The following SFMBT1 variants were observed in gnomAD, a reference collection of about 807,000 sequenced individuals.
The protein encoded by SFMBT1 is Scm like with four mbt domains 1, also known as scm-like with four MBT domains protein 1.
Under a neutral mutation model 108.7 loss-of-function variants are expected in SFMBT1, and 32 were observed. The observed-to-expected ratio is 0.29, with a 90% CI of 0.22 to 0.40. The LOEUF (loss-of-function observed/expected upper bound fraction) is 0.40. Among genes scored for constraint, SFMBT1 ranks in the 10% least tolerant of loss-of-function variants. The pLI is 1.00. For missense variants in SFMBT1, 816 were observed against 1,059.6 expected, an observed-to-expected ratio of 0.77 and a Z score of 3.19; for synonymous variants, 348 against 369.5, an observed-to-expected ratio of 0.94 and a Z score of 0.67.
Position 52,969,252 on chromosome 3 carries a change from G to T in SFMBT1, c.-124C>A. ...TCAATGGGTATCCACGGGTCCAAAT[G>T]AAAGTGCTGAAAAATGAAAAAGAAC... On this transcript the variant is annotated 5_prime_UTR_variant, in exon 2 of 21. An upstream open reading frame in the 5' UTR gains an earlier in-frame stop. Coordinates refer to ENST00000394752, the MANE Select transcript of SFMBT1 (RefSeq NM_016329.4). The T allele has an allele frequency of 6.6e-7, 1 of 1,518,178 alleles. No individual in the cohort carries two copies. Among genetic ancestry groups the T allele is most frequent in the Non-Finnish European group, 8.8e-7 (1 of 1,138,726 alleles). The allele number at this position is 1,518,178 out of a possible 1,614,324, so 94.0% of individuals were successfully genotyped here. A position where few individuals can be genotyped will look rare whatever the true frequency, so the allele number is the denominator to read the frequency against.
At chr3:52,966,925 T>TGAAG (rs55831153) in intron 2 of SFMBT1, among the ~76,000 whole-genome samples, 2 of 149,434 alleles carry the variant, frequency 1.3e-5, no homozygotes, top group South Asian at 4.2e-4. Context: ...ATACTTCACT[T>TGAAG]TAATAAAATG....
chr3:52,913,993 C>A (rs1471512451), intron 14 of SFMBT1, among the ~76,000 whole-genome samples: 1 of 152,166 alleles, frequency 6.6e-6, no homozygotes, highest in Non-Finnish European at 1.5e-5. Flanking sequence ...ATCATCTATT[C>A]TGGAATATTT....
rs536308277 is a variant in SFMBT1 at position 52,994,220 on chromosome 3, C to A, written c.-130-24962G>T. Reference sequence around the variant, plus strand: ...TTGTAACTAAAGAGATCACACACAACTGTGCCATCTGGTCACAAAACAGAA... The same window carrying A: ...TTGTAACTAAAGAGATCACACACAAATGTGCCATCTGGTCACAAAACAGAA... On this transcript the variant is annotated intron_variant, in intron 1 of 20. Transcript: ENST00000394752. Among the ~76,000 whole-genome samples, 3 of 150,482 alleles carry A rather than the reference C, an allele frequency of 2.0e-5. No individual in the cohort carries two copies. In the South Asian group the frequency reaches 6.3e-4, roughly 32 times the overall value.
rs138166180 is a variant in SFMBT1, at chr3:52,907,243, G to A, written c.2157C>T (p.Ser719=). Residue 719 remains serine, a synonymous_variant, in exon 19 of 21, where the codon TCC becomes TCT. Coordinates refer to ENST00000394752, the MANE Select transcript of SFMBT1 (RefSeq NM_016329.4). ...CTTCCTGTAGCTCATCCTGCTGCTC[G>A]GATGTACTGCCTTCACTTAGGGAAT... The part of the protein sequence containing the change: ...DDDSLSEGST[S]EQQDELQEES... 3.7e-5 allele frequency: 60 copies of A among 1,613,798 alleles called. No individual in the cohort carries two copies. Among genetic ancestry groups the A allele is most frequent in the Admixed American group, 5.0e-5 (3 of 59,976 alleles).
rs552265680 is a variant in SFMBT1 at position 52,968,535 on chromosome 3, T to C, written c.28+566A>G. ...CTGTGAATGCATAATTACTTCAAAA[T>C]AACTAGAAAGTAATCATCAAAATTT... On this transcript the variant is annotated intron_variant, in intron 2 of 20. Coordinates refer to ENST00000394752, the MANE Select transcript of SFMBT1 (RefSeq NM_016329.4). Among the ~76,000 whole-genome samples the C allele has an allele frequency of 4.0e-5, 6 of 151,762 alleles. No homozygotes were observed. In the East Asian group the frequency reaches 1.2e-3, roughly 29 times the overall value.
chr3:52,921,721 C>A lies in SFMBT1; in HGVS notation c.1242G>T (p.Leu414=). 1 of 1,614,076 alleles carries A rather than the reference C, an allele frequency of 6.2e-7. No homozygotes were observed. The highest frequency in any genetic ancestry group is 8.5e-7 in the Non-Finnish European group (1 of 1,179,984). Residue 414 remains leucine, a synonymous_variant, in exon 11 of 21, where the codon CTG becomes CTT. Coordinates refer to ENST00000394752, the MANE Select transcript of SFMBT1 (RefSeq NM_016329.4). ...GGCACTCACCCTCCAGCTGGAGCCA[C>A]AGGTAGGAGCCTCTCACTGCAGTGA... is the stretch of plus-strand genomic sequence containing the variant. The part of the protein sequence containing the change: ...ATITAVRGSY[L]WLQLEGSKKP...
At chr3:52,998,586 C>T (rs867524045) in intron 1 of SFMBT1, among the ~76,000 whole-genome samples, 9 of 150,106 alleles carry the variant, frequency 6.0e-5, no homozygotes, top group Admixed American at 3.4e-4. Context: ...TCTGCTGTTT[C>T]CTACCTAGGG....
chr3:53,018,658 C>G (rs376808371), intron 1 of SFMBT1, among the ~76,000 whole-genome samples: 1 of 152,186 alleles, frequency 6.6e-6, no homozygotes, highest in East Asian at 1.9e-4. Flanking sequence ...TCATTTCCTC[C>G]CCAGTCTGGC....
chr3:52,966,177 C>T (rs1704135747), intron 2 of SFMBT1, among the ~76,000 whole-genome samples: 3 of 145,020 alleles, frequency 2.1e-5, no homozygotes, highest in Admixed American at 1.4e-4. Context: ...ATTTGCCGGG[C>T]GTGGTGGCGG....
chr3:52,928,643 TATATATATATACAC>T (rs1702755667), intron 8 of SFMBT1: 2 of 50,504 alleles, frequency 4.0e-5, no homozygotes, highest in African/African-American at 1.0e-4. Context: ...TATACATATA[TATATATATATACAC>T]ATATATACAT....
At chr3:52,935,311 G>C (rs565767027) in intron 4 of SFMBT1, among the ~76,000 whole-genome samples, 1 of 152,168 alleles carries the variant, frequency 6.6e-6, no homozygotes, top group African/African-American at 2.4e-5. Context: ...GCTACAACTC[G>C]AGGGCTTAAT....
Position 52,932,317 on chromosome 3 carries a change from T to C in SFMBT1, c.454-9A>G. The C allele has an allele frequency of 6.2e-7, 1 of 1,604,184 alleles. No homozygotes were observed. Among genetic ancestry groups the C allele is most frequent in the Non-Finnish European group, 8.5e-7 (1 of 1,176,246 alleles). ...TTCCTCCCATTACGGAGCTGTAGGATTAAAAAGTAAAACAACCCAGTAAGA... is the reference window on the plus strand; with the variant it reads ...TTCCTCCCATTACGGAGCTGTAGGACTAAAAAGTAAAACAACCCAGTAAGA... On this transcript the variant is annotated splice_polypyrimidine_tract_variant and intron_variant, in intron 5 of 20. Coordinates refer to ENST00000394752, the MANE Select transcript of SFMBT1 (RefSeq NM_016329.4).
chr3:53,035,058 C>T (rs548921711), intron 1 of SFMBT1, among the ~76,000 whole-genome samples: 1 of 152,334 alleles, frequency 6.6e-6, no homozygotes, highest in Non-Finnish European at 1.5e-5. Context: ...GCGGATGGAA[C>T]ATGGCAGGAA....
At chr3:52,912,379 C>T (rs1213968132) in intron 16 of SFMBT1, among the ~76,000 whole-genome samples, 159 bp downstream of exon 16, 1 of 151,992 alleles carries the variant, frequency 6.6e-6, no homozygotes, top group Non-Finnish European at 1.5e-5. Flanking sequence ...AGGGTTTCAT[C>T]ATGTTGACCA....
chr3:52,923,573 A>G (rs1461372160), intron 10 of SFMBT1, among the ~76,000 whole-genome samples: 3 of 151,774 alleles, frequency 2.0e-5, no homozygotes, highest in Non-Finnish European at 4.4e-5. Flanking sequence ...AAAAAAAAAG[A>G]AAGAAAGAAC....
intron 1 of SFMBT1, among the ~76,000 whole-genome samples, chr3:53,035,834 C>T (rs1438602304): frequency 6.6e-6 from 1 of 152,202 alleles, no homozygotes; most frequent in African/African-American, 2.4e-5. Context: ...CTCAAGTGAT[C>T]CGCCCACCTC....
intron 3 of SFMBT1, among the ~76,000 whole-genome samples, chr3:52,947,692 C>G (rs1309861796): frequency 6.6e-6 from 1 of 151,072 alleles, no homozygotes; most frequent in African/African-American, 2.4e-5. Context: ...TCTAATTTAT[C>G]AATATTTTTC....
intron 1 of SFMBT1, among the ~76,000 whole-genome samples, chr3:52,986,490 G>A (rs1331592030): frequency 6.6e-6 from 1 of 151,736 alleles, no homozygotes; most frequent in African/African-American, 2.4e-5. Context: ...TTTTTGGTCG[G>A]GCGCCATGGC....
intron 1 of SFMBT1, among the ~76,000 whole-genome samples, chr3:52,971,902 A>T (rs1255768960): frequency 1.3e-5 from 2 of 152,180 alleles, no homozygotes; most frequent in East Asian, 3.9e-4. Flanking sequence ...ATGCAAACCA[A>T]CAGAATAAGT....
Sources: allele counts gnomAD v4.1 joint callset (sites outside exome capture counted in the v4.1 genomes callset), GRCh38; gene constraint gnomAD v4.1.1; transcripts MANE v1.5; gene names NCBI Gene and HGNC (gene_info 2026-07-23, HGNC 2026-07-21).